ZNF219: variants seen among roughly 807,000 people sequenced by gnomAD.
ZNF219 encodes zinc finger protein 219.
A neutral mutation model predicts 54.4 loss-of-function variants in ZNF219; 17 were observed. The observed-to-expected ratio is 0.31, with a 90% confidence interval of 0.21 to 0.47. The LOEUF is 0.47. ZNF219 is among the 20% of genes least tolerant of loss of function. The pLI is 1.00. For missense variants in ZNF219, 1,014 were observed against 1,062.3 expected, an observed-to-expected ratio of 0.95 and a Z score of 0.63; for synonymous variants, 518 against 476.4, an observed-to-expected ratio of 1.09 and a Z score of -1.14.
intron 2 of ZNF219, 43 bp downstream of exon 2, chr14:21,093,543 A>G: frequency 4.4e-6 from 7 of 1,595,330 alleles, no homozygotes; most frequent in Non-Finnish European, 4.3e-6. Context: ...GAGGGAGTAT[A>G]CAGTTGTAGG....
chr14:21,093,264 G>GCCGCTC lies in ZNF219; in HGVS notation c.27_32dup (p.Ser10_Gly11dup). The GCCGCTC allele has an allele frequency of 6.3e-7, 1 of 1,592,772 alleles. No homozygotes were observed. The highest frequency in any genetic ancestry group is 8.5e-7 in the Non-Finnish European group (1 of 1,176,554). ...AAGCCGGCGGCGACGGCGCTAAGTGGCCGCTCGGGGCGCGGGGACGTGAGC... is the reference window on the plus strand; with the variant it reads ...AAGCCGGCGGCGACGGCGCTAAGTGGCCGCTCCCGCTCGGGGCGCGGGGACGTGAGC... On this transcript the variant is annotated inframe_insertion, in exon 3 of 5. Coordinates refer to ENST00000360947, the MANE Select transcript of ZNF219 (RefSeq NM_016423.3).
intron 1 of ZNF219, among the ~76,000 whole-genome samples, chr14:21,098,084 C>T (rs1447454192): frequency 6.6e-6 from 1 of 150,676 alleles, no homozygotes; most frequent in Non-Finnish European, 1.5e-5. Context: ...CTTGGGGCCC[C>T]CCAGCTCTCC....
rs1266759364 is a variant in ZNF219, at chr14:21,090,584, G to A, written c.2121C>T (p.Ser707=). 2 of 1,608,970 alleles carry A rather than the reference G, an allele frequency of 1.2e-6. No homozygotes were observed. The highest frequency in any genetic ancestry group is 1.3e-5 in the African/African-American group (1 of 74,832). The part of the protein sequence containing the change: ...PSPSQEGEEG[S]GLSRPGEAGL... The stretch of plus-strand genomic sequence containing the variant: ...CTGCCTCTCCGGGTCTGGACAGCCC[G>A]GAGCCCTCCTCCCCTTCCTGCGAAG... The change falls in exon 5 of 5, where the codon TCC becomes TCT. Residue 707 remains serine, a synonymous_variant. Coordinates refer to ENST00000360947, the MANE Select transcript of ZNF219 (RefSeq NM_016423.3). This position sits in a 1 kb window ranked among gnomAD's most constrained non-coding sequence, Gnocchi z 4.4.
chr14:21,092,611 T>TGAGGCG lies in ZNF219; in HGVS notation c.680_685dup (p.Pro227_Pro228dup), dbSNP rs1491298671. 9 of 1,444,112 alleles carry TGAGGCG rather than the reference T, an allele frequency of 6.2e-6. No individual in the cohort carries two copies. The highest frequency in any genetic ancestry group is 6.2e-5 in the South Asian group (5 of 80,518). 89.5% of individuals were successfully genotyped at this position (1,444,112 alleles called of 1,614,324 possible). ...CTGGGGTGGAGGCTGAGGCTGAGGC[T>TGAGGCG]GAGGCGGAGGCGCAGCGGAGGTGGC... On this transcript the variant is annotated inframe_insertion, in exon 3 of 5. Coordinates refer to ENST00000360947, the MANE Select transcript of ZNF219 (RefSeq NM_016423.3).
rs774448221 is a variant in ZNF219, at chr14:21,092,026, T to A, written c.1271A>T (p.Glu424Val). The change falls in exon 3 of 5, where the codon GAG becomes GTG. Residue 424 changes from glutamate to valine, a missense_variant. Transcript: ENST00000360947. The stretch of plus-strand genomic sequence containing the variant: ...CACCTCCTCTTCTTCCTCAGGCTCC[T>A]CCGCACGGTGCCGGCGAGCCCGGGC... Reference protein sequence around the residue: ...LPARARRHRAEEPEEEEEVVE... With the variant: ...LPARARRHRAVEPEEEEEVVE... 6.4e-7 allele frequency: 1 copy of A among 1,551,432 alleles called. No homozygotes were observed. The highest frequency in any genetic ancestry group is 2.0e-5 in the Admixed American group (1 of 51,072).
rs752027843 is a variant in ZNF219 at position 21,091,875 on chromosome 14, G to C, written c.1422C>G (p.Thr474=). ...AGGGTACCTACATACCCTGCGTGGC[G>C]GTCGATCTTGCCTGGGCCCCAGCAG... is the stretch of plus-strand genomic sequence containing the variant. ...ASAAGAQARS[T]ATQEENGLLV... The change falls in exon 3 of 5, where the codon ACC becomes ACG. Residue 474 remains threonine, a synonymous_variant. Transcript: ENST00000360947. 3 of 1,552,652 alleles carry C rather than the reference G, an allele frequency of 1.9e-6. No homozygotes were observed. The South Asian group carries it at 3.6e-5, about 19-fold the overall frequency.
chr14:21,099,626 T>G (rs1373238293), upstream of ZNF219, among the ~76,000 whole-genome samples: 1 of 152,198 alleles, frequency 6.6e-6, no homozygotes, highest in Non-Finnish European at 1.5e-5. Context: ...TCTGGCGCAG[T>G]CTCCTCTTAT....
At chr14:21,101,253 C>T (rs1889607715), upstream of ZNF219, 11 of 1,196,372 alleles carry the variant, frequency 9.2e-6, no homozygotes, top group East Asian at 5.2e-5. Context: ...CTGAAAGATA[C>T]GTTGTTGCAT....
chr14:21,097,003 T>C (rs1407767166), intron 1 of ZNF219, among the ~76,000 whole-genome samples: 2 of 152,184 alleles, frequency 1.3e-5, no homozygotes, highest in African/African-American at 4.8e-5. Flanking sequence ...CTCCCAAATC[T>C]GCTAACAATT....
At chr14:21,103,415 A>T (rs1159375621), upstream of ZNF219, 3 of 1,241,350 alleles carry the variant, frequency 2.4e-6, no homozygotes, top group Non-Finnish European at 3.2e-6. Flanking sequence ...ATACACCTGG[A>T]CGAGAATATA....
At position 21,092,214 on chromosome 14, in the gene ZNF219, G is replaced by C; in HGVS notation, c.1083C>G (p.Leu361=). ...LLAYEPLGPA[L]LLAPAPTPAE... ...CCGGGGTGGGAGCCGGGGCCAAGAG[G>C]AGCGCTGGGCCCAACGGCTCATAGG... The change falls in exon 3 of 5, where the codon CTC becomes CTG. Residue 361 remains leucine, a synonymous_variant. Transcript: ENST00000360947. 6.9e-7 allele frequency: 1 copy of C among 1,439,356 alleles called. No homozygotes were observed. The allele number at this position is 1,439,356 out of a possible 1,614,324, so 89.2% of individuals were successfully genotyped here. A position where few individuals can be genotyped will look rare whatever the true frequency, so the allele number is the denominator to read the frequency against.
upstream of ZNF219, chr14:21,102,114 T>G (rs745696): frequency 6.4e-7 from 1 of 1,550,668 alleles, no homozygotes; most frequent in Non-Finnish European, 8.7e-7. Context: ...CACCCCGCCT[T>G]TGGAAGGTGA....
At chr14:21,093,530 G>A (rs924208651) in intron 2 of ZNF219, 56 bp downstream of exon 2, 5 of 1,581,560 alleles carry the variant, frequency 3.2e-6, no homozygotes, top group Non-Finnish European at 4.3e-6. Flanking sequence ...GAGGTAGGCA[G>A]GAGAGGGAGT....
intron 1 of ZNF219, among the ~76,000 whole-genome samples, 183 bp downstream of exon 1, chr14:21,098,129 C>G (rs1379389229): frequency 3.3e-5 from 5 of 150,342 alleles, no homozygotes; most frequent in South Asian, 2.1e-4. Context: ...CCCCGCCCCC[C>G]CAGGAGCTCT....
chr14:21,092,214 G>T lies in ZNF219; in HGVS notation c.1083C>A (p.Leu361=). The T allele has an allele frequency of 6.9e-7, 1 of 1,439,356 alleles. No individual in the cohort carries two copies. The highest frequency in any genetic ancestry group is 1.5e-5 in the South Asian group (1 of 68,250). The allele number at this position is 1,439,356 out of a possible 1,614,324, so 89.2% of individuals were successfully genotyped here. A position where few individuals can be genotyped will look rare whatever the true frequency, so the allele number is the denominator to read the frequency against. ...CCGGGGTGGGAGCCGGGGCCAAGAG[G>T]AGCGCTGGGCCCAACGGCTCATAGG... ...LLAYEPLGPA[L]LLAPAPTPAE... Residue 361 remains leucine, a synonymous_variant, in exon 3 of 5, where the codon CTC becomes CTA. Coordinates refer to ENST00000360947, the MANE Select transcript of ZNF219 (RefSeq NM_016423.3).
chr14:21,099,879 G>A (rs1268118391), upstream of ZNF219, among the ~76,000 whole-genome samples: 3 of 152,108 alleles, frequency 2.0e-5, no homozygotes, highest in Non-Finnish European at 4.4e-5. Flanking sequence ...TTCTGCTTCC[G>A]ACTGTAGAAA....
Position 21,091,335 on chromosome 14 carries a change from C to T in ZNF219, c.1564+76G>A, listed in dbSNP as rs931804290. ...CTGAAGGCTTCGGAACAAACTTCAC[C>T]TCCTAGTGTTTCGGTAGCCCTCACC... is the stretch of plus-strand genomic sequence containing the variant. On this transcript the variant is annotated intron_variant, in intron 4 of 4. Transcript: ENST00000360947. The T allele has an allele frequency of 1.9e-6, 3 of 1,542,376 alleles. No homozygotes were observed. The African/African-American group carries it at 4.1e-5, about 21-fold the overall frequency.
chr14:21,095,960 G>A lies in ZNF219; in HGVS notation c.-83-2286C>T, dbSNP rs1889258843. Among the ~76,000 whole-genome samples the A allele has an allele frequency of 2.7e-5, 4 of 148,712 alleles. No homozygotes were observed. The South Asian group carries it at 8.5e-4, about 32-fold the overall frequency. ...ATATTTGGGTCCATCACATTCTGTTGCTCTCCTGGGGATTCCCGGAACATC... is the reference window on the plus strand; with the variant it reads ...ATATTTGGGTCCATCACATTCTGTTACTCTCCTGGGGATTCCCGGAACATC... On this transcript the variant is annotated intron_variant, in intron 1 of 4. Coordinates refer to ENST00000360947, the MANE Select transcript of ZNF219 (RefSeq NM_016423.3).
At chr14:21,102,634 A>G (rs1328858558), upstream of ZNF219, 9 of 1,551,382 alleles carry the variant, frequency 5.8e-6, no homozygotes, top group South Asian at 7.1e-5. Context: ...TACCTGCAGC[A>G]TGCTGGCTTG....
Sources: gnomAD v4.1 joint callset for allele counts (sites outside exome capture counted in the v4.1 genomes callset) on GRCh38, gnomAD v4.1.1 for gene constraint, Gnocchi (gnomAD v3.1) non-coding constraint, MANE v1.5 for transcripts, NCBI Gene and HGNC (gene_info 2026-07-23, HGNC 2026-07-21) for gene names.